RTL4: variants seen among roughly 807,000 people sequenced by gnomAD.
RTL4 encodes retrotransposon Gag like 4.
RTL4 carries 4 observed loss-of-function variants against 5.3 expected under a neutral mutation model. That is an observed-to-expected ratio of 0.75 (90% CI 0.37 to 1.72). RTL4 has a LOEUF of 1.72. RTL4 is among the 40% of genes most tolerant of loss of function. The probability of loss-of-function intolerance (pLI) is 0.04; values close to 1 mark genes in which losing one functional copy is unlikely to be tolerated. For synonymous variants in RTL4, 98 were observed against 87.3 expected (o/e 1.12, Z -0.68); for missense variants, 260 against 227.1 (o/e 1.14, Z -0.93).
the RTL4 span, among the ~76,000 whole-genome samples, chrX:112,298,421 G>A: frequency 8.9e-6 from 1 of 112,081 alleles, no homozygotes; most frequent in Admixed American, 9.5e-5. Context: ...ATCCTGAAGA[G>A]CTTTAGAGGT....
the RTL4 span, among the ~76,000 whole-genome samples, chrX:112,258,061 A>T: frequency 9.1e-6 from 1 of 109,651 alleles, no homozygotes; most frequent in Non-Finnish European, 1.9e-5. Flanking sequence ...TCTAACAATA[A>T]TTGAAGGGCT....
At chrX:112,432,130 T>C in the RTL4 span, among the ~76,000 whole-genome samples, 5 of 104,768 alleles carry the variant, frequency 4.8e-5, no homozygotes, top group Non-Finnish European at 7.9e-5. Flanking sequence ...CAGTCTATCA[T>C]TGTTGGACAT....
the RTL4 span, among the ~76,000 whole-genome samples, chrX:112,236,426 TAGATATAG>T: frequency 9.0e-4 from 72 of 80,234 alleles, 1 homozygote; most frequent in Non-Finnish European, 1.3e-3. Flanking sequence ...TATCTATATA[TAGATATAG>T]ATCTATATCT....
the RTL4 span, among the ~76,000 whole-genome samples, chrX:112,243,705 G>T: frequency 9.0e-6 from 1 of 111,266 alleles, no homozygotes; most frequent in African/African-American, 3.3e-5. Context: ...CTTCAGTTCT[G>T]CTCTGATCTT....
the RTL4 span, among the ~76,000 whole-genome samples, chrX:112,185,913 A>G: frequency 1.8e-5 from 2 of 111,224 alleles, no homozygotes; most frequent in Non-Finnish European, 3.8e-5. Flanking sequence ...ATTAGTTTCC[A>G]TAAGGTTAAT....
At chrX:112,344,642 T>C in the RTL4 span, among the ~76,000 whole-genome samples, 1 of 112,229 alleles carries the variant, frequency 8.9e-6, no homozygotes, top group East Asian at 2.8e-4. Flanking sequence ...GGGATTACAA[T>C]TTGACATGTG....
At chrX:112,231,990 T>A in the RTL4 span, among the ~76,000 whole-genome samples, 1 of 111,969 alleles carries the variant, frequency 8.9e-6, no homozygotes, top group Non-Finnish European at 1.9e-5. Flanking sequence ...TAAATGGGGA[T>A]AAAAATGTAA....
the RTL4 span, among the ~76,000 whole-genome samples, chrX:112,206,254 A>C: frequency 1.8e-5 from 2 of 111,518 alleles, no homozygotes; most frequent in African/African-American, 6.5e-5. Context: ...CTTCCTCTCC[A>C]GTTCTTTGAT....
At chrX:112,146,123 G>T in the RTL4 span, among the ~76,000 whole-genome samples, 4 of 111,885 alleles carry the variant, frequency 3.6e-5, no homozygotes, top group African/African-American at 1.3e-4. Context: ...GGTAATTTAG[G>T]CCAAAGATAA....
the RTL4 span, among the ~76,000 whole-genome samples, chrX:112,166,512 A>T: frequency 8.9e-6 from 1 of 111,977 alleles, no homozygotes; most frequent in African/African-American, 3.2e-5. Flanking sequence ...GGGTGAGAAT[A>T]ACTGCAAGCT....
chrX:112,376,663 A>C, the RTL4 span, among the ~76,000 whole-genome samples: 1 of 111,781 alleles, frequency 8.9e-6, no homozygotes, highest in Non-Finnish European at 1.9e-5. Flanking sequence ...CAGTGGACTC[A>C]AGCAAATAAT....
At chrX:112,117,685 T>C in the RTL4 span, among the ~76,000 whole-genome samples, 1 of 111,693 alleles carries the variant, frequency 9.0e-6, no homozygotes, top group African/African-American at 3.3e-5. Context: ...GTATGTAGTA[T>C]TGGCATAGGA....
chrX:112,251,354 T>C, the RTL4 span, among the ~76,000 whole-genome samples: 6 of 112,041 alleles, frequency 5.4e-5, no homozygotes, highest in African/African-American at 1.6e-4. Context: ...TTATTTCCTA[T>C]TGTTTTCATC....
the RTL4 span, among the ~76,000 whole-genome samples, chrX:112,091,677 A>G: frequency 5.4e-5 from 6 of 111,004 alleles, no homozygotes; most frequent in Non-Finnish European, 7.6e-5. Flanking sequence ...ATTCTGGAGC[A>G]TGTTCCACGT....
At chrX:112,116,277 G>A in the RTL4 span, among the ~76,000 whole-genome samples, 1 of 111,802 alleles carries the variant, frequency 8.9e-6, no homozygotes, top group African/African-American at 3.3e-5. Context: ...AGATGTGTCT[G>A]GAGTTGGTTC....
the RTL4 span, among the ~76,000 whole-genome samples, chrX:112,179,226 G>T: frequency 9.0e-6 from 1 of 111,207 alleles, no homozygotes; most frequent in African/African-American, 3.3e-5. Context: ...AATAAATCAA[G>T]TAAGGCTATA....
the RTL4 span, among the ~76,000 whole-genome samples, chrX:112,403,302 A>C: frequency 8.0e-5 from 9 of 112,265 alleles, 1 homozygote; most frequent in East Asian, 8.4e-4. Flanking sequence ...TTTCACCCAC[A>C]ATCAGGTGTT....
the RTL4 span, among the ~76,000 whole-genome samples, chrX:112,234,215 T>TA: frequency 9.0e-6 from 1 of 110,595 alleles, no homozygotes; most frequent in African/African-American, 3.3e-5. Context: ...TAAATTAAAT[T>TA]AAAAAATAAA....
At chrX:112,259,642 T>C in the RTL4 span, among the ~76,000 whole-genome samples, 1 of 111,161 alleles carries the variant, frequency 9.0e-6, no homozygotes, top group African/African-American at 3.3e-5. Flanking sequence ...CTTGTCATAG[T>C]ATCTGGACTC....
Sources: gnomAD v4.1 joint callset for allele counts (sites outside exome capture counted in the v4.1 genomes callset) on GRCh38, gnomAD v4.1.1 for gene constraint, MANE v1.5 for transcripts, NCBI Gene and HGNC (gene_info 2026-07-23, HGNC 2026-07-21) for gene names.